GMEB1: variants seen among roughly 807,000 people sequenced by gnomAD.
GMEB1 encodes the protein glucocorticoid modulatory element-binding protein 1.
GMEB1 carries 6 observed loss-of-function variants against 52.4 expected under a neutral mutation model. The observed-to-expected ratio is 0.11, with a 90% CI of 0.06 to 0.23. The LOEUF (loss-of-function observed/expected upper bound fraction) is 0.23. Among genes scored for constraint, GMEB1 ranks in the 10% least tolerant of loss-of-function variants. GMEB1 has a pLI of 1.00. For missense variants in GMEB1, 486 were observed against 685.6 expected, an observed-to-expected ratio of 0.71 and a Z score of 3.25; for synonymous variants, 255 against 244.9, an observed-to-expected ratio of 1.04 and a Z score of -0.38.
At chr1:28,682,017 T>G (rs909989307) in intron 1 of GMEB1, among the ~76,000 whole-genome samples, 2 of 152,008 alleles carry the variant, frequency 1.3e-5, no homozygotes, top group Admixed American at 1.3e-4. Flanking sequence ...ACTACACGTT[T>G]TGTACTCAAA....
At chr1:28,681,780 G>A (rs536516649) in intron 1 of GMEB1, among the ~76,000 whole-genome samples, 250 of 152,036 alleles carry the variant, frequency 1.6e-3, no homozygotes, top group Middle Eastern at 6.8e-3. Context: ...TCGGCTCACC[G>A]CAATCTCCAC....
chr1:28,709,515 A>G (rs1017175416), intron 8 of GMEB1, among the ~76,000 whole-genome samples: 2 of 152,130 alleles, frequency 1.3e-5, no homozygotes, highest in African/African-American at 4.8e-5. Context: ...AACTCTATCT[A>G]GTACAGGGAC....
chr1:28,691,637 T>G lies in GMEB1; in HGVS notation c.264T>G (p.Thr88=). Residue 88 remains threonine, a synonymous_variant, in exon 4 of 10, where the codon ACT becomes ACG. Coordinates refer to ENST00000373816, the MANE Select transcript of GMEB1 (RefSeq NM_001319674.2). ...ATATGGAAATTGCTTACCCCATAAC[T>G]TGTGGGGAGAGCAAAGCCATCCTCC... ...NEDMEIAYPI[T]CGESKAILLW... is the part of the protein sequence containing the mutation. The G allele has an allele frequency of 2.5e-6, 4 of 1,580,894 alleles. No individual in the cohort carries two copies. The highest frequency in any genetic ancestry group is 3.5e-6 in the Non-Finnish European group (4 of 1,157,236).
At chr1:28,705,521 C>G (rs1156798154) in intron 8 of GMEB1, among the ~76,000 whole-genome samples, 1 of 148,474 alleles carries the variant, frequency 6.7e-6, no homozygotes, top group South Asian at 2.1e-4. Flanking sequence ...GTGATCTCAG[C>G]TAACTGCAAC....
chr1:28,688,088 C>T (rs1308541152), intron 2 of GMEB1, among the ~76,000 whole-genome samples: 1 of 152,022 alleles, frequency 6.6e-6, no homozygotes, highest in Non-Finnish European at 1.5e-5. Context: ...AGTTTGAGAC[C>T]AGCCTGACCA....
At chr1:28,694,365 A>AT (rs35634822) in intron 5 of GMEB1, among the ~76,000 whole-genome samples, 57,359 of 146,684 alleles carry the variant, frequency 0.39, 12,259 homozygotes, top group East Asian at 0.76. Context: ...TAATTTTTGT[A>AT]TTTTTTTTTT....
chr1:28,671,960 A>G (rs969299160), intron 1 of GMEB1, among the ~76,000 whole-genome samples: 1 of 150,172 alleles, frequency 6.7e-6, no homozygotes, highest in South Asian at 2.1e-4. Flanking sequence ...CTACTAAAAA[A>G]TACAAAAATT....
At position 28,683,572 on chromosome 1, in the gene GMEB1, G is replaced by A. The variant is rs756860623; in HGVS notation, c.-30-11G>A. On this transcript the variant is annotated splice_polypyrimidine_tract_variant and intron_variant, in intron 1 of 9. Transcript: ENST00000373816. ...CCAGATTAAGTTATTGGTGCTTCTT[G>A]TTCCCGACAGCAGTCCCAGCTATCT... 4 of 1,573,392 alleles carry A rather than the reference G, an allele frequency of 2.5e-6. No homozygotes were observed. The African/African-American group carries it at 4.1e-5, about 16-fold the overall frequency.
At chr1:28,674,685 G>A (rs185143420) in intron 1 of GMEB1, among the ~76,000 whole-genome samples, 169 of 145,800 alleles carry the variant, frequency 1.2e-3, no homozygotes, top group African/African-American at 3.8e-3. Context: ...GTGGGCCACC[G>A]TGCCCGGCCA....
chr1:28,689,217 G>T (rs1352650287), intron 2 of GMEB1, among the ~76,000 whole-genome samples: 3 of 151,892 alleles, frequency 2.0e-5, no homozygotes, highest in African/African-American at 7.2e-5. Flanking sequence ...GTAGAGGTGG[G>T]GTTTCACCAC....
At position 28,702,581 on chromosome 1, in the gene GMEB1, T is replaced by C. The variant is rs373260240; in HGVS notation, c.730+12T>C. 4.0e-5 allele frequency: 65 copies of C among 1,611,676 alleles called. No individual in the cohort carries two copies. In the African/African-American group the frequency reaches 8.3e-4, roughly 21 times the overall value. On this transcript the variant is annotated intron_variant, in intron 7 of 9. Coordinates refer to ENST00000373816, the MANE Select transcript of GMEB1 (RefSeq NM_001319674.2). ...AGAGGAAATTTCAGGTATTCTTCTATAGGGCTCAGATGTCTTGCAGGGTCT... is the reference window on the plus strand; with the variant it reads ...AGAGGAAATTTCAGGTATTCTTCTACAGGGCTCAGATGTCTTGCAGGGTCT...
At chr1:28,712,866 C>T (rs182324800) in intron 9 of GMEB1, among the ~76,000 whole-genome samples, 1 of 145,804 alleles carries the variant, frequency 6.9e-6, no homozygotes, top group Non-Finnish European at 1.5e-5. Context: ...ACATTTACCA[C>T]GCTGGGCCGG....
At chr1:28,705,736 C>G (rs909536316) in intron 8 of GMEB1, among the ~76,000 whole-genome samples, 1 of 151,616 alleles carries the variant, frequency 6.6e-6, no homozygotes, top group Non-Finnish European at 1.5e-5. Context: ...TAGGCATGAG[C>G]CACCGCGCCC....
At chr1:28,690,733 C>T (rs1488864282) in intron 3 of GMEB1, among the ~76,000 whole-genome samples, 1 of 152,184 alleles carries the variant, frequency 6.6e-6, no homozygotes, top group Non-Finnish European at 1.5e-5. Flanking sequence ...GTAATCCCAA[C>T]ACTTTGGGAG....
chr1:28,689,009 A>C (rs1669828134), intron 2 of GMEB1, among the ~76,000 whole-genome samples: 1 of 150,816 alleles, frequency 6.6e-6, no homozygotes, highest in Admixed American at 6.7e-5. Context: ...CTCCTGCCTC[A>C]GCCTCCTGAG....
intron 5 of GMEB1, among the ~76,000 whole-genome samples, chr1:28,696,303 G>A (rs1670205713): frequency 1.3e-5 from 2 of 152,064 alleles, no homozygotes; most frequent in African/African-American, 4.8e-5. Flanking sequence ...CTGAGTTCAA[G>A]TGATCCTCCT....
At chr1:28,697,191 A>ATATATATATATG (rs1381954086) in intron 6 of GMEB1, 107 bp downstream of exon 6, 2 of 151,126 alleles carry the variant, frequency 1.3e-5, no homozygotes, top group African/African-American at 6.1e-5. Context: ...ATATATATAT[A>ATATATATATATG]TATATATATG....
intron 9 of GMEB1, among the ~76,000 whole-genome samples, chr1:28,713,468 T>A (rs1671154584): frequency 6.6e-6 from 1 of 152,188 alleles, no homozygotes; most frequent in Non-Finnish European, 1.5e-5. Context: ...CCTGGCCCAA[T>A]CTTCATAACC....
rs575711485 is a variant in GMEB1, at chr1:28,697,485, G to A, written c.598+401G>A. 3.0e-4 allele frequency among the ~76,000 whole-genome samples: 46 copies of A among 152,158 alleles called. No individual in the cohort carries two copies. In the South Asian group the frequency reaches 8.5e-3, roughly 28 times the overall value. On this transcript the variant is annotated intron_variant, in intron 6 of 9. Coordinates refer to ENST00000373816, the MANE Select transcript of GMEB1 (RefSeq NM_001319674.2). Reference sequence around the variant, plus strand: ...GGCCTCCCGAAGTGCTGGGATTACAGGCATGAGCCACCATGCCTGTCCCCT... The same window carrying A: ...GGCCTCCCGAAGTGCTGGGATTACAAGCATGAGCCACCATGCCTGTCCCCT...
Sources: gnomAD v4.1 joint callset for allele counts (sites outside exome capture counted in the v4.1 genomes callset) on GRCh38, gnomAD v4.1.1 for gene constraint, MANE v1.5 for transcripts, NCBI Gene and HGNC (gene_info 2026-07-23, HGNC 2026-07-21) for gene names.